Variants in SLFN11 observed in about 807,000 individuals in gnomAD.
SLFN11 encodes schlafen family member 11.
In SLFN11, 43 loss-of-function variants were observed where a neutral mutation model predicts 53.4. The ratio of observed to expected loss-of-function variants is 0.80; its 90% CI spans 0.63 to 1.04. The LOEUF (loss-of-function observed/expected upper bound fraction) is 1.04, where lower values mean the gene tolerates loss of function less well. Ranked by LOEUF, SLFN11 falls within the 50% of genes least tolerant of loss-of-function variation. The pLI is 0.00. For synonymous variants in SLFN11, 389 were observed against 394.7 expected (o/e 0.99, Z 0.17); for missense variants, 990 against 1,079.1 (o/e 0.92, Z 1.16).
At position 35,352,881 on chromosome 17, in the gene SLFN11, G is replaced by A. The variant is rs149052916; in HGVS notation, c.2181C>T (p.Leu727=). The A allele has an allele frequency of 3.7e-6, 6 of 1,614,154 alleles. No individual in the cohort carries two copies. The East Asian group carries it at 8.9e-5, about 24-fold the overall frequency. The part of the protein sequence containing the change: ...PLSDQYPREE[L]TRIVRNADPI... Reference sequence around the variant, plus strand: ...GATCTGCATTGCGAACTATTCTGGTGAGCTCTTCTCTTGGATATTGGTCTG... The same window carrying A: ...GATCTGCATTGCGAACTATTCTGGTAAGCTCTTCTCTTGGATATTGGTCTG... Residue 727 remains leucine, a synonymous_variant, in exon 7 of 7, where the codon CTC becomes CTT. Transcript: ENST00000685675.
intron 1 of SLFN11, among the ~76,000 whole-genome samples, chr17:35,368,625 C>T (rs1488019607): frequency 2.6e-5 from 4 of 152,074 alleles, no homozygotes; most frequent in Non-Finnish European, 5.9e-5. Flanking sequence ...AGCCAGTAGG[C>T]TTGGAGGGCA....
intron 4 of SLFN11, 29 bp downstream of exon 4, chr17:35,362,710 C>T (rs753483748): frequency 1.1e-5 from 17 of 1,504,012 alleles, no homozygotes. Context: ...GTAGAAAGGA[C>T]AGGGAGGGAG....
rs1464229957 is a variant in SLFN11, at chr17:35,371,626, G to GA, written c.-235+1847dup. On this transcript the variant is annotated intron_variant, in intron 1 of 6. Transcript: ENST00000685675. Reference sequence around the variant, plus strand: ...TCAGGAGCTCCAACAACTCTATAGGGAAAAAAATCTAATAATCCTATTGAA... The same window carrying GA: ...TCAGGAGCTCCAACAACTCTATAGGGAAAAAAAATCTAATAATCCTATTGAA... 2.6e-5 allele frequency among the ~76,000 whole-genome samples: 4 copies of GA among 151,964 alleles called. No homozygotes were observed. The East Asian group carries it at 5.8e-4, about 22-fold the overall frequency.
chr17:35,353,252 A>C, intron 6 of SLFN11, 84 bp downstream of exon 6: 1 of 1,603,846 alleles, frequency 6.2e-7, no homozygotes, highest in Admixed American at 1.7e-5. Context: ...TTTACCACTC[A>C]ATTCTCAAGA....
chr17:35,367,992 T>C (rs1226961131), intron 1 of SLFN11, among the ~76,000 whole-genome samples: 2 of 152,064 alleles, frequency 1.3e-5, no homozygotes, highest in East Asian at 3.8e-4. Context: ...GTAGCATCTG[T>C]GCATTTCTCC....
At chr17:35,355,258 G>A (rs1781641808) in intron 5 of SLFN11, among the ~76,000 whole-genome samples, 1 of 152,022 alleles carries the variant, frequency 6.6e-6, no homozygotes, top group Admixed American at 6.6e-5. Context: ...GTGAGAGCTG[G>A]GTGCAGTGCT....
chr17:35,355,222 A>G (rs1045526796), intron 5 of SLFN11, among the ~76,000 whole-genome samples: 1 of 152,014 alleles, frequency 6.6e-6, no homozygotes, highest in Non-Finnish European at 1.5e-5. Flanking sequence ...TCTTCATATG[A>G]GTAGATAAGG....
rs1300466976 is a variant in SLFN11 at position 35,363,086 on chromosome 17, G to C, written c.722C>G (p.Thr241Ser). Residue 241 changes from threonine to serine, a missense_variant, in exon 4 of 7, where the codon ACT becomes AGT. Thr to Ser is a moderately conservative substitution (Grantham distance 58, BLOSUM62 1). Coordinates refer to ENST00000685675, the MANE Select transcript of SLFN11 (RefSeq NM_001376007.1). ...TCCAATAAAAAGATAGCCTCCTCCA[G>C]TGTTTGCAAATGCAGGGACGTATTC... ...IPEYVPAFAN[T>S]GGGYLFIGVD... The C allele has an allele frequency of 1.9e-6, 3 of 1,613,968 alleles. 1 individual carries two copies. The South Asian group carries it at 3.3e-5, about 18-fold the overall frequency.
intron 5 of SLFN11, 95 bp downstream of exon 5, chr17:35,360,148 C>T: frequency 7.6e-7 from 1 of 1,309,542 alleles, no homozygotes; most frequent in Non-Finnish European, 1.1e-6. Context: ...GTTTGCAGAG[C>T]ACTTTCAGGA....
intron 1 of SLFN11, among the ~76,000 whole-genome samples, chr17:35,370,440 T>G (rs1909502411): frequency 6.6e-6 from 1 of 152,052 alleles, no homozygotes; most frequent in Non-Finnish European, 1.5e-5. Flanking sequence ...ATCCTCACTT[T>G]CACCATTGTT....
Position 35,362,591 on chromosome 17 carries a change from T to A in SLFN11, c.1069+148A>T, listed in dbSNP as rs916053305. ...CTAATCACCCAACAAAATTTTCTCA[T>A]GTATGAAAAGTAGAATACTTGGGGA... On this transcript the variant is annotated intron_variant, in intron 4 of 6. Transcript: ENST00000685675. The A allele has an allele frequency of 3.1e-5, 19 of 610,808 alleles. No homozygotes were observed. In the African/African-American group the frequency reaches 3.5e-4, roughly 11 times the overall value. The allele number at this position is 610,808 out of a possible 1,614,324, so 37.8% of individuals were successfully genotyped here.
At chr17:35,360,650 C>T (rs1426634032) in intron 4 of SLFN11, among the ~76,000 whole-genome samples, 1 of 152,094 alleles carries the variant, frequency 6.6e-6, no homozygotes, top group Admixed American at 6.6e-5. Context: ...TGTTTGCACA[C>T]CTGTTACGTT....
chr17:35,359,320 T>C (rs775017010), intron 5 of SLFN11, among the ~76,000 whole-genome samples: 8 of 152,086 alleles, frequency 5.3e-5, no homozygotes, highest in African/African-American at 1.7e-4. Flanking sequence ...GTTTCTAAAA[T>C]ATAAATTTGA....
In SLFN11 at chr17:35,362,771, T is replaced by TTC; in HGVS notation, c.1035_1036dup (p.Lys346ArgfsTer4). 6.3e-7 allele frequency: 1 copy of TTC among 1,589,670 alleles called. No individual in the cohort carries two copies. The highest frequency in any genetic ancestry group is 8.6e-7 in the Non-Finnish European group (1 of 1,168,204). On this transcript the variant is annotated frameshift_variant, in exon 4 of 7. Transcript: ENST00000685675. LOFTEE classifies it high-confidence loss of function. Reference sequence around the variant, plus strand: ...TGTGTCTGTCATCATGCCTACCCATTTCTCGGTTGTCAGGCTGCAGACGTA... The same window carrying TTC: ...TGTGTCTGTCATCATGCCTACCCATTTCTCTCGGTTGTCAGGCTGCAGACGTA...
At position 35,351,690 on chromosome 17, in the gene SLFN11, G is replaced by A. The variant is rs1171072201; in HGVS notation, c.*666C>T. The stretch of plus-strand genomic sequence containing the variant: ...TCTTGGCCTATAATTTCTCCTTAAA[G>A]TGACCATTAATATTCACTATCACAA... On this transcript the variant is annotated 3_prime_UTR_variant, in exon 7 of 7. Transcript: ENST00000685675. 7 of 152,160 alleles carry A rather than the reference G, an allele frequency of 4.6e-5. No homozygotes were observed. Among genetic ancestry groups the A allele is most frequent in the Admixed American group, 3.3e-4 (5 of 15,284 alleles). 9.4% of individuals were successfully genotyped at this position (152,160 alleles called of 1,614,324 possible).
At position 35,363,697 on chromosome 17, in the gene SLFN11, A is replaced by G. The variant is rs367861542; in HGVS notation, c.111T>C (p.Ile37=). ...GEENRKKLQK[I]QRDQEKERVM... is the part of the protein sequence containing the mutation. Reference sequence around the variant, plus strand: ...CTCTCTCCTTCTCTTGGTCTCTCTGAATTTTCTGCAGCTTTTTTCTGTTTT... The same window carrying G: ...CTCTCTCCTTCTCTTGGTCTCTCTGGATTTTCTGCAGCTTTTTTCTGTTTT... The change falls in exon 4 of 7, where the codon ATT becomes ATC. Residue 37 remains isoleucine, a synonymous_variant. Coordinates refer to ENST00000685675, the MANE Select transcript of SLFN11 (RefSeq NM_001376007.1). 1 of 1,613,878 alleles carries G rather than the reference A, an allele frequency of 6.2e-7. No individual in the cohort carries two copies. The highest frequency in any genetic ancestry group is 8.5e-7 in the Non-Finnish European group (1 of 1,179,956).
intron 5 of SLFN11, among the ~76,000 whole-genome samples, chr17:35,359,465 C>T (rs938169570): frequency 1.3e-5 from 2 of 152,032 alleles, no homozygotes; most frequent in Admixed American, 1.3e-4. Context: ...ATTATAGTGC[C>T]AGATAAGCCA....
At chr17:35,356,111 G>A (rs957006736) in intron 5 of SLFN11, among the ~76,000 whole-genome samples, 4 of 151,752 alleles carry the variant, frequency 2.6e-5, no homozygotes. Context: ...TTTAGTACCA[G>A]TAACTCCAGT....
intron 1 of SLFN11, among the ~76,000 whole-genome samples, chr17:35,371,647 T>C (rs890435303): frequency 6.6e-6 from 1 of 152,006 alleles, no homozygotes; most frequent in Non-Finnish European, 1.5e-5. Flanking sequence ...AATAATCCTA[T>C]TGAAAAATGG....
Sources: gnomAD v4.1 joint callset for allele counts (sites outside exome capture counted in the v4.1 genomes callset) on GRCh38, gnomAD v4.1.1 for gene constraint, MANE v1.5 for transcripts, NCBI Gene and HGNC (gene_info 2026-07-23, HGNC 2026-07-21) for gene names.